The following ERCC6L2 variants were observed in gnomAD, a reference collection of about 807,000 sequenced individuals.
ERCC6L2 encodes the protein ERCC excision repair 6 like 2.
ERCC6L2 carries 77 observed loss-of-function variants against 132.0 expected under a neutral mutation model. The observed-to-expected ratio is 0.58, with a 90% confidence interval of 0.49 to 0.71. ERCC6L2 has a LOEUF of 0.71. Ranked by LOEUF, ERCC6L2 falls within the 30% of genes least tolerant of loss-of-function variation. The pLI, the probability that ERCC6L2 is intolerant of heterozygous loss-of-function variation, is 0.00. For synonymous variants in ERCC6L2, 583 were observed against 632.4 expected, an observed-to-expected ratio of 0.92 and a Z score of 1.17; for missense variants, 1,542 against 1,837.6, an observed-to-expected ratio of 0.84 and a Z score of 2.94.
chr9:96,040,549 T>A (rs1834566815), intron 20 of ERCC6L2, among the ~76,000 whole-genome samples: 1 of 152,120 alleles, frequency 6.6e-6, no homozygotes, highest in South Asian at 2.1e-4. Context: ...CTGGGATCTG[T>A]CCCTATGTGC....
rs1827206571 is a variant in ERCC6L2, at chr9:95,875,693, A to G, written c.-346A>G. 1 of 372,652 alleles carries G rather than the reference A, an allele frequency of 2.7e-6. No individual in the cohort carries two copies. The allele number at this position is 372,652 out of a possible 1,614,324, so 23.1% of individuals were successfully genotyped here. ...GCGGGGGTTAGGAGACGGAAGTCAG[A>G]GCCTAGGAAGATTTGGGGGTCGCCT... is the stretch of plus-strand genomic sequence containing the variant. On this transcript the variant is annotated 5_prime_UTR_variant, in exon 1 of 19. Coordinates refer to ENST00000653738, the MANE Select transcript of ERCC6L2 (RefSeq NM_020207.7).
Position 96,032,836 on chromosome 9 carries a change from A to G in ERCC6L2, c.*1504-6040A>G, listed in dbSNP as rs1448885016. On this transcript the variant is annotated intron_variant and NMD_transcript_variant, in intron 19 of 20. Transcript: ENST00000670016. Reference sequence around the variant, plus strand: ...CCCTTGTTTGTAGGTCAAATCTCAAATTCTCAAGGCTCCCAGCTGGCTTAA... The same window carrying G: ...CCCTTGTTTGTAGGTCAAATCTCAAGTTCTCAAGGCTCCCAGCTGGCTTAA... 3.9e-5 allele frequency among the ~76,000 whole-genome samples: 6 copies of G among 152,282 alleles called. No homozygotes were observed. The East Asian group carries it at 1.2e-3, about 29-fold the overall frequency.
intron 1 of ERCC6L2, chr9:95,876,726 C>A (rs1827291118): frequency 6.6e-6 from 1 of 152,162 alleles, no homozygotes; most frequent in African/African-American, 2.4e-5. Context: ...TTCCTGAGCC[C>A]AGCAATATGC....
rs1829588281 is a variant in ERCC6L2 at position 95,916,341 on chromosome 9, G to A, written c.1065G>A (p.Lys355=). Residue 355 remains lysine (K), a synonymous_variant, in exon 6 of 19, where the codon AAG becomes AAA. Transcript: ENST00000653738. ...ATKRELATGR[K]AMQRLAKKMS... Reference sequence around the variant, plus strand: ...AGAGAGAACTAGCCACTGGCCGAAAGGCCATGCAAAGACTTGCCAAAAAGA... The same window carrying A: ...AGAGAGAACTAGCCACTGGCCGAAAAGCCATGCAAAGACTTGCCAAAAAGA... 6.2e-7 allele frequency: 1 copy of A among 1,613,472 alleles called. No individual in the cohort carries two copies. Among genetic ancestry groups the A allele is most frequent in the Admixed American group, 1.7e-5 (1 of 59,866 alleles).
At chr9:95,965,680 A>G (rs1012828602) in intron 13 of ERCC6L2, among the ~76,000 whole-genome samples, 3 of 151,682 alleles carry the variant, frequency 2.0e-5, no homozygotes, top group African/African-American at 7.3e-5. Context: ...TAATTTTTGT[A>G]TTTTAGTAGA....
At chr9:95,946,786 T>C (rs1831085160) in intron 12 of ERCC6L2, among the ~76,000 whole-genome samples, 1 of 152,208 alleles carries the variant, frequency 6.6e-6, no homozygotes, top group Admixed American at 6.5e-5. Context: ...AGAATGTAGT[T>C]CTCACATTAT....
chr9:95,981,595 G>A (rs919059426), intron 17 of ERCC6L2, among the ~76,000 whole-genome samples: 17 of 152,104 alleles, frequency 1.1e-4, no homozygotes, highest in Non-Finnish European at 7.4e-5. Context: ...TTAACAAGAC[G>A]AGATGTCTGA....
intron 18 of ERCC6L2, among the ~76,000 whole-genome samples, chr9:96,006,455 G>A (rs1178018878): frequency 3.3e-5 from 5 of 152,342 alleles, no homozygotes; most frequent in East Asian, 1.9e-4. Context: ...AGGCCCTGGC[G>A]GGAGGTGGCC....
intron 2 of ERCC6L2, among the ~76,000 whole-genome samples, chr9:95,884,489 C>CTTTT (rs3991619): frequency 1.4e-5 from 2 of 145,344 alleles, no homozygotes; most frequent in Non-Finnish European, 3.0e-5. Context: ...TTCTTTTCTT[C>CTTTT]TTTTTTTTTT....
intron 4 of ERCC6L2, among the ~76,000 whole-genome samples, chr9:95,909,529 C>T (rs1829241541): frequency 1.3e-5 from 2 of 152,218 alleles, no homozygotes; most frequent in African/African-American, 4.8e-5. Context: ...TAAGCTATTA[C>T]GGAGCATGTC....
At chr9:95,914,960 A>G (rs906711899) in intron 4 of ERCC6L2, among the ~76,000 whole-genome samples, 3 of 152,118 alleles carry the variant, frequency 2.0e-5, no homozygotes, top group Non-Finnish European at 4.4e-5. Flanking sequence ...GTAAGTGTTT[A>G]AATTCATTTT....
At chr9:95,919,699 T>G (rs1210262330) in intron 6 of ERCC6L2, among the ~76,000 whole-genome samples, 2 of 152,250 alleles carry the variant, frequency 1.3e-5, no homozygotes, top group African/African-American at 4.8e-5. Flanking sequence ...AAGCCATCAT[T>G]CCTGGAATAG....
rs561760490 is a variant in ERCC6L2, at chr9:96,012,525, A to G, written c.3975A>G (p.Gln1325=). 36 of 1,367,434 alleles carry G rather than the reference A, an allele frequency of 2.6e-5. No homozygotes were observed. The African/African-American group carries it at 4.6e-4, about 17-fold the overall frequency. The allele number at this position is 1,367,434 out of a possible 1,614,324, so 84.7% of individuals were successfully genotyped here. A position where few individuals can be genotyped will look rare whatever the true frequency, so the allele number is the denominator to read the frequency against. ...AAGATTCTACCAACAAAATTTCTCA[A>G]GTTTGCAGCCTAAAAACATATAAAA... The part of the protein sequence containing the change: ...SFKDSTNKIS[Q]VCSLKTYKRK... The change falls in exon 19 of 19, where the codon CAA becomes CAG. Residue 1325 remains glutamine (Q), a synonymous_variant. Coordinates refer to ENST00000653738, the MANE Select transcript of ERCC6L2 (RefSeq NM_020207.7).
At chr9:96,007,390 A>G (rs1311064314) in intron 18 of ERCC6L2, among the ~76,000 whole-genome samples, 3 of 152,258 alleles carry the variant, frequency 2.0e-5, no homozygotes, top group Non-Finnish European at 4.4e-5. Context: ...TGATGTTATC[A>G]AGAATGATGG....
At chr9:95,881,381 G>A (rs775335737) in intron 2 of ERCC6L2, 88 bp downstream of exon 2, 472 of 1,037,368 alleles carry the variant, frequency 4.5e-4, no homozygotes, top group Non-Finnish European at 5.9e-4. Context: ...CTGCTGTTAC[G>A]ATAGCTATTT....
chr9:95,924,567 C>A (rs942570051), intron 9 of ERCC6L2, among the ~76,000 whole-genome samples: 2 of 152,046 alleles, frequency 1.3e-5, no homozygotes, highest in Non-Finnish European at 2.9e-5. Context: ...ATTATAGCCT[C>A]CTCTGAAAAC....
intron 16 of ERCC6L2, among the ~76,000 whole-genome samples, chr9:95,976,647 C>T (rs1419104252): frequency 6.6e-6 from 1 of 152,124 alleles, no homozygotes; most frequent in African/African-American, 2.4e-5. Context: ...ATCTTGTTAT[C>T]TAATTTTGTT....
chr9:95,914,893 T>G (rs1422593224), intron 4 of ERCC6L2, among the ~76,000 whole-genome samples: 1 of 152,296 alleles, frequency 6.6e-6, no homozygotes, highest in Non-Finnish European at 1.5e-5. Flanking sequence ...TTTAAAAGTT[T>G]GAGTTCATAT....
chr9:95,937,834 T>A (rs1483365478), intron 11 of ERCC6L2, among the ~76,000 whole-genome samples: 4 of 151,672 alleles, frequency 2.6e-5, no homozygotes, highest in Middle Eastern at 6.8e-3. Context: ...TTATTTATTA[T>A]TTCCTTTCTT....
Sources: gnomAD v4.1 joint callset for allele counts (sites outside exome capture counted in the v4.1 genomes callset) on GRCh38, gnomAD v4.1.1 for gene constraint, MANE v1.5 for transcripts, NCBI Gene and HGNC (gene_info 2026-07-23, HGNC 2026-07-21) for gene names.